The following ANKRD17 variants were observed in gnomAD, a reference collection of about 807,000 sequenced individuals.
ANKRD17 encodes the protein ankyrin repeat domain-containing protein 17.
A neutral mutation model predicts 229.7 loss-of-function variants in ANKRD17; 19 were observed. The ratio of observed to expected loss-of-function variants is 0.08; its 90% CI spans 0.06 to 0.12. ANKRD17 has a LOEUF of 0.12. ANKRD17 is among the 10% of genes least tolerant of loss of function. ANKRD17 has a pLI of 1.00. For synonymous variants in ANKRD17, 1,112 were observed against 1,146.1 expected (o/e 0.97, Z 0.60); for missense variants, 2,176 against 3,176.8 (o/e 0.68, Z 7.57).
rs1271330481 is a variant in ANKRD17 at position 73,073,985 on chromosome 4, G to GT, written c.*2245dup. ...CCTTCATGGTCTCAAAAAGTTATGG[G>GT]TTTTTTTATTGTTCAAATAAAAGTG... is the stretch of plus-strand genomic sequence containing the variant. On this transcript the variant is annotated 3_prime_UTR_variant, in exon 34 of 34. Coordinates refer to ENST00000358602, the MANE Select transcript of ANKRD17 (RefSeq NM_032217.5). 1.3e-5 allele frequency: 2 copies of GT among 151,744 alleles called. No individual in the cohort carries two copies. The highest frequency in any genetic ancestry group is 1.5e-5 in the Non-Finnish European group (1 of 67,818). 9.4% of individuals were successfully genotyped at this position (151,744 alleles called of 1,614,324 possible).
chr4:73,245,607 A>G (rs1420953644), intron 1 of ANKRD17, among the ~76,000 whole-genome samples: 1 of 152,166 alleles, frequency 6.6e-6, no homozygotes, highest in Admixed American at 6.5e-5. Flanking sequence ...GCCAGCCCTC[A>G]CAATCATGTA....
intron 1 of ANKRD17, among the ~76,000 whole-genome samples, chr4:73,186,032 G>A (rs1180899201): frequency 2.0e-5 from 3 of 151,862 alleles, no homozygotes; most frequent in Non-Finnish European, 4.4e-5. Context: ...TGCTCTTATA[G>A]TTCTTTGAAT....
At chr4:73,186,971 C>A (rs1054703807) in intron 1 of ANKRD17, among the ~76,000 whole-genome samples, 1 of 152,026 alleles carries the variant, frequency 6.6e-6, no homozygotes, top group East Asian at 1.9e-4. Flanking sequence ...CAGATACACA[C>A]ACACACATAT....
At position 73,195,179 on chromosome 4, in the gene ANKRD17, G is replaced by T. The variant is rs112709060; in HGVS notation, c.394-17646C>A. Among the ~76,000 whole-genome samples the T allele has an allele frequency of 4.0e-3, 613 of 152,084 alleles. 7 individuals are homozygous for T. The highest frequency in any genetic ancestry group is 0.014 in the African/African-American group (594 of 41,482). ...GAATTACATTGATGGATCAGTAAACGTTAAACAATTTAAACCAACTTTATA... is the reference window on the plus strand; with the variant it reads ...GAATTACATTGATGGATCAGTAAACTTTAAACAATTTAAACCAACTTTATA... On this transcript the variant is annotated intron_variant, in intron 1 of 33. Coordinates refer to ENST00000358602, the MANE Select transcript of ANKRD17 (RefSeq NM_032217.5).
At chr4:73,142,180 T>C in intron 13 of ANKRD17, 62 bp downstream of exon 13, 2 of 1,457,216 alleles carry the variant, frequency 1.4e-6, no homozygotes, top group Non-Finnish European at 1.8e-6. Flanking sequence ...ACAGAAACTG[T>C]AAGTGAAAGA....
chr4:73,086,287 C>G (rs1308641543), intron 29 of ANKRD17, among the ~76,000 whole-genome samples: 1 of 151,936 alleles, frequency 6.6e-6, no homozygotes, highest in Non-Finnish European at 1.5e-5. Flanking sequence ...CCAGATGTTC[C>G]TATTTCAAAA....
Position 73,074,796 on chromosome 4 carries a change from C to T in ANKRD17, c.*1435G>A, listed in dbSNP as rs184726926. On this transcript the variant is annotated 3_prime_UTR_variant, in exon 34 of 34. Coordinates refer to ENST00000358602, the MANE Select transcript of ANKRD17 (RefSeq NM_032217.5). ...AAGACAAATTGATATATACATTACT[C>T]GATTTTTATGCTTACTTTCTTTTAC... 7 of 152,404 alleles carry T rather than the reference C, an allele frequency of 4.6e-5. No individual in the cohort carries two copies. In the East Asian group the frequency reaches 9.6e-4, roughly 21 times the overall value. The allele number at this position is 152,404 out of a possible 1,614,324, so 9.4% of individuals were successfully genotyped here.
chr4:73,235,148 A>T (rs933028228), intron 1 of ANKRD17, among the ~76,000 whole-genome samples: 10 of 152,162 alleles, frequency 6.6e-5, no homozygotes, highest in African/African-American at 2.4e-4. Flanking sequence ...TTTGCTAACA[A>T]CATCATCCCT....
intron 16 of ANKRD17, among the ~76,000 whole-genome samples, chr4:73,132,053 T>C (rs1464337048): frequency 6.6e-6 from 1 of 151,826 alleles, no homozygotes; most frequent in Non-Finnish European, 1.5e-5. Flanking sequence ...TGATTGAGTA[T>C]AAAAGGATCT....
At chr4:73,143,291 T>C (rs546319818) in intron 11 of ANKRD17, among the ~76,000 whole-genome samples, 9 of 152,296 alleles carry the variant, frequency 5.9e-5, no homozygotes. Flanking sequence ...CCCTAATTTA[T>C]TCGTTTGTTG....
At chr4:73,186,529 T>G (rs1412198068) in intron 1 of ANKRD17, among the ~76,000 whole-genome samples, 1 of 152,114 alleles carries the variant, frequency 6.6e-6, no homozygotes, top group Non-Finnish European at 1.5e-5. Flanking sequence ...GTCTATCAAT[T>G]TGACAAATAT....
At chr4:73,105,054 C>T (rs1724453726) in intron 24 of ANKRD17, among the ~76,000 whole-genome samples, 1 of 152,102 alleles carries the variant, frequency 6.6e-6, no homozygotes, top group African/African-American at 2.4e-5. Flanking sequence ...TTTTGATAAT[C>T]TGATATATTT....
chr4:73,110,903 C>T (rs952149420), intron 24 of ANKRD17, among the ~76,000 whole-genome samples: 5 of 152,070 alleles, frequency 3.3e-5, no homozygotes, highest in Admixed American at 2.0e-4. Flanking sequence ...AAATATACAA[C>T]GATATTTAAA....
In ANKRD17 at chr4:73,091,076, G is replaced by A. The variant is rs749071739; in HGVS notation, c.6552C>T (p.Gly2184=). Residue 2184 remains glycine (G), a synonymous_variant, in exon 29 of 34, where the codon GGC becomes GGT. Transcript: ENST00000358602. ...ETPAIRPPPH[G]TTAPHKNSAS... ...CTGAATTCTTGTGAGGGGCAGTTGTGCCATGAGGGGGTGGTCTAATAGCAG... is the reference window on the plus strand; with the variant it reads ...CTGAATTCTTGTGAGGGGCAGTTGTACCATGAGGGGGTGGTCTAATAGCAG... The A allele has an allele frequency of 1.8e-5, 29 of 1,614,096 alleles. No individual in the cohort carries two copies. In the South Asian group the frequency reaches 2.9e-4, roughly 16 times the overall value.
chr4:73,194,272 GCA>G (rs1159215503), intron 1 of ANKRD17, among the ~76,000 whole-genome samples: 1 of 152,104 alleles, frequency 6.6e-6, no homozygotes, highest in Non-Finnish European at 1.5e-5. Context: ...GATAATTTTT[GCA>G]CATAGTGCCA....
chr4:73,136,032 T>C (rs1160455178), intron 15 of ANKRD17, among the ~76,000 whole-genome samples: 1 of 152,204 alleles, frequency 6.6e-6, no homozygotes, highest in Non-Finnish European at 1.5e-5. Context: ...GTTGCTGTGA[T>C]ATTATTTTCA....
At chr4:73,165,631 G>T (rs114045960) in intron 2 of ANKRD17, among the ~76,000 whole-genome samples, 2,641 of 152,286 alleles carry the variant, frequency 0.017, 43 homozygotes, top group Non-Finnish European at 0.028. Flanking sequence ...CCAAAATTAA[G>T]TTACGTTATA....
rs151213677 is a variant in ANKRD17, at chr4:73,120,404, A to G, written c.3850-67T>C. The G allele has an allele frequency of 1.9e-4, 282 of 1,446,262 alleles. 2 individuals carry two copies. The African/African-American group carries it at 3.7e-3, about 19-fold the overall frequency. 89.6% of individuals were successfully genotyped at this position (1,446,262 alleles called of 1,614,324 possible). ...CTGGAAAGATCTAAAATTGTAAAGA[A>G]TAACAACTTGAAGAAGGAATATGAT... is the stretch of plus-strand genomic sequence containing the variant. On this transcript the variant is annotated intron_variant, in intron 20 of 33. Transcript: ENST00000358602.
At chr4:73,101,859 G>A (rs1463092207) in intron 25 of ANKRD17, among the ~76,000 whole-genome samples, 1 of 151,994 alleles carries the variant, frequency 6.6e-6, no homozygotes, top group Non-Finnish European at 1.5e-5. Flanking sequence ...CTGTCAACTT[G>A]TCTGTAGTTT....
Sources: gnomAD v4.1 joint callset for allele counts (sites outside exome capture counted in the v4.1 genomes callset) on GRCh38, gnomAD v4.1.1 for gene constraint, MANE v1.5 for transcripts, NCBI Gene and HGNC (gene_info 2026-07-23, HGNC 2026-07-21) for gene names.